The following CCDC174 variants were observed in gnomAD, a reference collection of about 807,000 sequenced individuals.
CCDC174 encodes coiled-coil domain containing 174, also known as coiled-coil domain-containing protein 174.
Under a neutral mutation model 57.1 loss-of-function variants are expected in CCDC174, and 37 were observed. The ratio of observed to expected loss-of-function variants is 0.65; its 90% confidence interval spans 0.50 to 0.85. CCDC174 has a LOEUF of 0.85. Ranked by LOEUF, CCDC174 falls within the 40% of genes least tolerant of loss-of-function variation. The pLI, the probability that CCDC174 is intolerant of heterozygous loss-of-function variation, is 0.00. For missense variants in CCDC174, 540 were observed against 574.3 expected (o/e 0.94, Z 0.61); for synonymous variants, 182 against 190.2 (o/e 0.96, Z 0.35).
chr3:14,664,606 G>A (rs2031255572), intron 5 of CCDC174, among the ~76,000 whole-genome samples: 1 of 152,194 alleles, frequency 6.6e-6, no homozygotes, highest in Non-Finnish European at 1.5e-5. Flanking sequence ...GAGGAAATAA[G>A]AGAAAGAATA....
At chr3:14,666,982 T>C in intron 7 of CCDC174, 35 bp downstream of exon 7, 3 of 1,550,374 alleles carry the variant, frequency 1.9e-6, no homozygotes, top group African/African-American at 1.4e-5. Flanking sequence ...GCAAATCTTA[T>C]TTTTAACCTT....
rs2030885738 is a variant in CCDC174 at position 14,654,535 on chromosome 3, AAAAT to A, written c.147+8_147+11del. On this transcript the variant is annotated splice_donor_region_variant and intron_variant, in intron 2 of 10. Transcript: ENST00000383794. ...AAACCAAAAACAACTAACAAGGTAA[AAAAT>A]AAGATCTAATTATCTCCATTGGTTC... 2 of 1,350,350 alleles carry A rather than the reference AAAAT, an allele frequency of 1.5e-6. No homozygotes were observed. The highest frequency in any genetic ancestry group is 2.1e-6 in the Non-Finnish European group (2 of 951,862). 83.6% of individuals were successfully genotyped at this position (1,350,350 alleles called of 1,614,324 possible).
At chr3:14,665,594 A>G (rs1160841334) in intron 6 of CCDC174, among the ~76,000 whole-genome samples, 1 of 152,254 alleles carries the variant, frequency 6.6e-6, no homozygotes, top group African/African-American at 2.4e-5. Flanking sequence ...CGTAAGACCT[A>G]AGAGATAACT....
intron 9 of CCDC174, among the ~76,000 whole-genome samples, chr3:14,668,502 A>T (rs994532006): frequency 2.6e-5 from 4 of 152,150 alleles, no homozygotes; most frequent in African/African-American, 9.7e-5. Flanking sequence ...TTAGACTTAA[A>T]TTTTTTGCTA....
At chr3:14,664,995 G>A (rs1209018446) in intron 5 of CCDC174, 33 bp from the exon 6 acceptor site, 5 of 1,514,918 alleles carry the variant, frequency 3.3e-6, no homozygotes, top group Non-Finnish European at 4.6e-6. Flanking sequence ...ATGTGTACAA[G>A]TCCTTCTTCA....
rs779732374 is a variant in CCDC174, at chr3:14,671,195, TC to T, written c.*2del. 2.5e-6 allele frequency: 4 copies of T among 1,604,362 alleles called. No homozygotes were observed. The highest frequency in any genetic ancestry group is 1.7e-5 in the Admixed American group (1 of 59,396). ...TTCCTATTACAAACAAGTGACATGATCTTTCAAAGCACGCTGACTTGGGTTT... is the reference window on the plus strand; with the variant it reads ...TTCCTATTACAAACAAGTGACATGATTTTCAAAGCACGCTGACTTGGGTTT... On this transcript the variant is annotated 3_prime_UTR_variant, in exon 11 of 11. Transcript: ENST00000383794.
chr3:14,652,286 C>G lies in CCDC174; in HGVS notation c.42+408C>G, dbSNP rs192209929. Among the ~76,000 whole-genome samples the G allele has an allele frequency of 5.8e-4, 89 of 152,324 alleles. 1 individual carries two copies. The highest frequency in any genetic ancestry group is 2.1e-3 in the African/African-American group (87 of 41,564). On this transcript the variant is annotated intron_variant, in intron 1 of 10. Transcript: ENST00000383794. Reference sequence around the variant, plus strand: ...GGTTTCTCCTCCATCCAGGGACCCACAAAGTCCTCCCAGAACTTTAGAGTG... The same window carrying G: ...GGTTTCTCCTCCATCCAGGGACCCAGAAAGTCCTCCCAGAACTTTAGAGTG...
chr3:14,655,719 A>G, intron 3 of CCDC174, 90 bp downstream of exon 3: 2 of 756,344 alleles, frequency 2.6e-6, no homozygotes, highest in Non-Finnish European at 4.3e-6. Context: ...TTTGATTTAC[A>G]AATTTTATTT....
chr3:14,666,436 A>G (rs1284072145), intron 6 of CCDC174, among the ~76,000 whole-genome samples: 1 of 152,156 alleles, frequency 6.6e-6, no homozygotes, highest in Non-Finnish European at 1.5e-5. Flanking sequence ...CAGCCTAGCC[A>G]ACATGGTGAA....
chr3:14,669,148 C>G (rs527441891), intron 9 of CCDC174, among the ~76,000 whole-genome samples: 1 of 152,280 alleles, frequency 6.6e-6, no homozygotes, highest in South Asian at 2.1e-4. Context: ...GCCACATGCT[C>G]AGCTGCAACC....
chr3:14,657,810 G>A (rs1575069040), intron 3 of CCDC174, among the ~76,000 whole-genome samples: 2 of 152,170 alleles, frequency 1.3e-5, no homozygotes, highest in African/African-American at 4.8e-5. Context: ...GCTTCTTGCT[G>A]TGCAAGCCAT....
chr3:14,665,266 C>T, intron 6 of CCDC174, 143 bp downstream of exon 6: 1 of 501,788 alleles, frequency 2.0e-6, no homozygotes, highest in Non-Finnish European at 3.6e-6. Flanking sequence ...TTGATTGAAG[C>T]ACTTTTTAGT....
At chr3:14,651,979 G>C (rs2030783879) in intron 1 of CCDC174, 101 bp downstream of exon 1, 2 of 1,158,194 alleles carry the variant, frequency 1.7e-6, no homozygotes, top group South Asian at 2.6e-5. Context: ...GGGACCCAGA[G>C]ACCTGACCTC....
chr3:14,670,754 A>G, intron 10 of CCDC174, 142 bp from the exon 11 acceptor site: 1 of 690,696 alleles, frequency 1.4e-6, no homozygotes, highest in Non-Finnish European at 2.4e-6. Flanking sequence ...ACCTTGTAAT[A>G]TAGTTTTGCT....
intron 8 of CCDC174, 35 bp downstream of exon 8, chr3:14,667,553 T>C (rs2031383035): frequency 2.7e-6 from 4 of 1,509,336 alleles, no homozygotes; most frequent in Non-Finnish European, 3.7e-6. Flanking sequence ...TGAGGAAAGA[T>C]GTGAGCGCTT....
In CCDC174 at chr3:14,669,954, T is replaced by C; in HGVS notation, c.973T>C (p.Leu325=). The C allele has an allele frequency of 6.2e-7, 1 of 1,613,980 alleles. No homozygotes were observed. The highest frequency in any genetic ancestry group is 8.5e-7 in the Non-Finnish European group (1 of 1,179,914). ...AATAGATGGAGATGTTATTGGGCCT[T>C]TGCCACCGGAGCCAGAGGCTGTGCC... is the stretch of plus-strand genomic sequence containing the variant. The part of the protein sequence containing the change: ...ENRDGDVIGP[L]PPEPEAVPTP... The change falls in exon 10 of 11, where the codon TTG becomes CTG. Residue 325 remains leucine, a synonymous_variant. Transcript: ENST00000383794.
intron 9 of CCDC174, 39 bp from the exon 10 acceptor site, chr3:14,669,895 C>CT (rs1377747526): frequency 2.5e-6 from 4 of 1,600,708 alleles, no homozygotes; most frequent in Middle Eastern, 1.8e-4. Context: ...TAGCTTTAGG[C>CT]TTTTTTATAA....
At chr3:14,668,424 A>C (rs934936399) in intron 9 of CCDC174, among the ~76,000 whole-genome samples, 1 of 152,234 alleles carries the variant, frequency 6.6e-6, no homozygotes, top group Non-Finnish European at 1.5e-5. Flanking sequence ...TTAGAATGGC[A>C]TAGTCTTGTA....
chr3:14,658,960 T>A (rs1159289566), intron 4 of CCDC174, 31 bp downstream of exon 4: 1 of 1,460,598 alleles, frequency 6.8e-7, no homozygotes, highest in East Asian at 2.4e-5. Flanking sequence ...CTACTTCATT[T>A]TCTATAATGC....
Sources: allele counts gnomAD v4.1 joint callset (sites outside exome capture counted in the v4.1 genomes callset), GRCh38; gene constraint gnomAD v4.1.1; transcripts MANE v1.5; gene names NCBI Gene and HGNC (gene_info 2026-07-23, HGNC 2026-07-21).